The following UBE2E3 variants were observed in gnomAD, a reference collection of about 807,000 sequenced individuals.
The protein encoded by UBE2E3 is ubiquitin-conjugating enzyme E2 E3.
UBE2E3 carries 5 observed loss-of-function variants against 23.6 expected under a neutral mutation model. That is an observed-to-expected ratio of 0.21 (90% CI 0.11 to 0.44). The LOEUF (loss-of-function observed/expected upper bound fraction) is 0.44, where lower values mean the gene tolerates loss of function less well. UBE2E3 is among the 20% of genes least tolerant of loss of function. The pLI is 0.99. For synonymous variants in UBE2E3, 78 were observed against 87.5 expected, an observed-to-expected ratio of 0.89 and a Z score of 0.60; for missense variants, 81 against 249.8, an observed-to-expected ratio of 0.32 and a Z score of 4.55.
At chr2:180,990,186 G>A (rs546006790) in intron 3 of UBE2E3, 7 of 524,584 alleles carry the variant, frequency 1.3e-5, no homozygotes, top group South Asian at 1.2e-4. Flanking sequence ...CACCAGGCTA[G>A]GCGACAATTG....
At chr2:181,016,258 T>C (rs1685486318) in intron 3 of UBE2E3, among the ~76,000 whole-genome samples, 1 of 152,100 alleles carries the variant, frequency 6.6e-6, no homozygotes, top group Non-Finnish European at 1.5e-5. Context: ...TTTAAATTTT[T>C]TAGTACAGAC....
intron 3 of UBE2E3, among the ~76,000 whole-genome samples, chr2:181,049,653 C>T (rs778978023): frequency 3.9e-5 from 6 of 151,980 alleles, no homozygotes; most frequent in Non-Finnish European, 7.4e-5. Flanking sequence ...ATGGTAATTA[C>T]TAGATCAAGA....
chr2:181,008,934 G>C (rs4990275), intron 3 of UBE2E3, among the ~76,000 whole-genome samples: 117,504 of 150,386 alleles, frequency 0.78, 46,157 homozygotes, highest in East Asian at 0.91. Context: ...TCAGACTAGG[G>C]TATAATTTGT....
Position 181,020,075 on chromosome 2 carries a change from G to GT in UBE2E3, c.245+35987dup, listed in dbSNP as rs548112866. On this transcript the variant is annotated intron_variant, in intron 3 of 5. Coordinates refer to ENST00000410062, the MANE Select transcript of UBE2E3 (RefSeq NM_006357.4). ...AGTTTGACTACTGTATTTCTTATCT[G>GT]TTTTTGTGGGAAGGTTGATGTATTA... Among the ~76,000 whole-genome samples the GT allele has an allele frequency of 1.3e-3, 194 of 152,200 alleles. 3 individuals carry two copies. The highest frequency in any genetic ancestry group is 4.4e-3 in the African/African-American group (184 of 41,524).
At chr2:180,990,331 T>TGGCCCCA (rs1684618462) in intron 3 of UBE2E3, among the ~76,000 whole-genome samples, 1 of 152,220 alleles carries the variant, frequency 6.6e-6, no homozygotes, top group Non-Finnish European at 1.5e-5. Context: ...TAAAGAATTA[T>TGGCCCCA]CTGGGCCAAA....
intron 3 of UBE2E3, among the ~76,000 whole-genome samples, chr2:180,999,528 G>A (rs912564753): frequency 2.6e-5 from 4 of 152,094 alleles, no homozygotes; most frequent in South Asian, 2.1e-4. Flanking sequence ...TTTCACAAAA[G>A]CTGTACCATT....
chr2:181,021,570 TCCTCCCTC>T (rs1201581086), intron 3 of UBE2E3, among the ~76,000 whole-genome samples: 3 of 76,218 alleles, frequency 3.9e-5, no homozygotes, highest in Non-Finnish European at 5.1e-5. Flanking sequence ...CTTCCTTCCT[TCCTCCCTC>T]CCTCCCTTCC....
At chr2:180,985,852 T>G (rs1208041802) in intron 3 of UBE2E3, among the ~76,000 whole-genome samples, 1 of 152,094 alleles carries the variant, frequency 6.6e-6, no homozygotes, top group Non-Finnish European at 1.5e-5. Flanking sequence ...TGCATAAATC[T>G]AGAGAGCCTA....
At chr2:181,043,997 C>T (rs1334215312) in intron 3 of UBE2E3, among the ~76,000 whole-genome samples, 2 of 152,066 alleles carry the variant, frequency 1.3e-5, no homozygotes, top group East Asian at 1.9e-4. Flanking sequence ...CTTTTATTCA[C>T]GTCTCTGTTT....
chr2:181,044,814 ACT>A (rs1686623875), intron 3 of UBE2E3, among the ~76,000 whole-genome samples: 1 of 152,020 alleles, frequency 6.6e-6, no homozygotes, highest in South Asian at 2.1e-4. Context: ...AGCTTACTGT[ACT>A]CTCCAGTAAT....
chr2:181,026,594 A>G (rs1403201836), intron 3 of UBE2E3, among the ~76,000 whole-genome samples: 1 of 151,600 alleles, frequency 6.6e-6, no homozygotes, highest in East Asian at 1.9e-4. Context: ...TGAAAGCTGT[A>G]TATAATGGGG....
At chr2:181,038,607 G>A (rs62181565) in intron 3 of UBE2E3, among the ~76,000 whole-genome samples, 35,360 of 152,120 alleles carry the variant, frequency 0.23, 4,481 homozygotes, top group Non-Finnish European at 0.28. Flanking sequence ...TAATTGGCAG[G>A]TGGAACTTAA....
intron 3 of UBE2E3, among the ~76,000 whole-genome samples, chr2:181,004,998 C>T (rs1350865611): frequency 1.3e-5 from 2 of 152,212 alleles, no homozygotes; most frequent in African/African-American, 4.8e-5. Flanking sequence ...AAGACAAACT[C>T]AGCACTGTGT....
chr2:181,001,806 G>C (rs1031178586), intron 3 of UBE2E3, among the ~76,000 whole-genome samples: 3 of 152,132 alleles, frequency 2.0e-5, no homozygotes, highest in African/African-American at 7.2e-5. Flanking sequence ...GCTGGATGCA[G>C]TTCACCTTTC....
chr2:180,988,519 G>C (rs1446044567), intron 3 of UBE2E3, among the ~76,000 whole-genome samples: 1 of 152,104 alleles, frequency 6.6e-6, no homozygotes, highest in Non-Finnish European at 1.5e-5. Context: ...TTTTAGATGA[G>C]TAATGATTAT....
intron 3 of UBE2E3, among the ~76,000 whole-genome samples, chr2:181,026,930 T>C (rs1276815495): frequency 1.3e-5 from 2 of 151,968 alleles, no homozygotes; most frequent in Non-Finnish European, 2.9e-5. Flanking sequence ...TAACCAGTTA[T>C]TCAGGCAATT....
intron 3 of UBE2E3, among the ~76,000 whole-genome samples, chr2:181,009,481 C>A (rs569484858): frequency 6.6e-6 from 1 of 152,024 alleles, no homozygotes; most frequent in Non-Finnish European, 1.5e-5. Context: ...TACTACTACT[C>A]CTACCATAAT....
chr2:181,019,893 T>C, intron 3 of UBE2E3, among the ~76,000 whole-genome samples: 1 of 152,196 alleles, frequency 6.6e-6, no homozygotes, highest in East Asian at 1.9e-4. Flanking sequence ...ATCAAGTGTA[T>C]GATACAATAT....
chr2:181,057,014 AATG>A (rs1302511382), intron 3 of UBE2E3, among the ~76,000 whole-genome samples: 3 of 151,722 alleles, frequency 2.0e-5, no homozygotes, highest in Non-Finnish European at 4.4e-5. Context: ...GCAAGCTCAA[AATG>A]ATGAGCATTT....
Sources: allele counts gnomAD v4.1 joint callset (sites outside exome capture counted in the v4.1 genomes callset), GRCh38; gene constraint gnomAD v4.1.1; transcripts MANE v1.5; gene names NCBI Gene and HGNC (gene_info 2026-07-23, HGNC 2026-07-21).